RPS6KA4: variants seen among roughly 807,000 people sequenced by gnomAD.
RPS6KA4 encodes the protein ribosomal protein S6 kinase A4, also known as ribosomal protein S6 kinase alpha-4.
In RPS6KA4, 38 loss-of-function variants were observed where a neutral mutation model predicts 89.6. The ratio of observed to expected loss-of-function variants is 0.42; its 90% CI spans 0.33 to 0.56. The LOEUF is 0.56. Ranked by LOEUF, RPS6KA4 falls within the 20% of genes least tolerant of loss-of-function variation. The pLI is 0.07. For missense variants in RPS6KA4, 873 were observed against 1,098.8 expected (o/e 0.79, Z 2.90); for synonymous variants, 495 against 492.8 (o/e 1.00, Z -0.06).
At position 64,368,728 on chromosome 11, in the gene RPS6KA4, A is replaced by G. The variant is rs2135343499; in HGVS notation, c.1359A>G (p.Glu453=). The G allele has an allele frequency of 6.3e-7, 1 of 1,577,016 alleles. No individual in the cohort carries two copies. Among genetic ancestry groups the G allele is most frequent in the Non-Finnish European group, 8.6e-7 (1 of 1,161,812 alleles). The change falls in exon 12 of 17, where the codon GAA becomes GAG. Residue 453 remains glutamate, a synonymous_variant. Coordinates refer to ENST00000334205, the MANE Select transcript of RPS6KA4 (RefSeq NM_003942.3). ...SRRLEANTQR[E]VAALRLCQSH... ...GGCTGGAGGCGAACACGCAGCGCGA[A>G]GTGGCTGCCCTGCGCCTGTGCCAGT...
At chr11:64,367,578 T>C (rs1591316675) in intron 9 of RPS6KA4, among the ~76,000 whole-genome samples, 1 of 152,216 alleles carries the variant, frequency 6.6e-6, no homozygotes, top group Non-Finnish European at 1.5e-5. Context: ...CCCAAAGTAC[T>C]GGGATTACAG....
Position 64,361,208 on chromosome 11 carries a change from C to T in RPS6KA4, c.537C>T (p.Asp179=). Residue 179 remains aspartate (D), a synonymous_variant, in exon 5 of 17, where the codon GAC becomes GAT. Transcript: ENST00000334205. This position sits in a 1 kb window ranked among gnomAD's most constrained non-coding sequence, Gnocchi z 4.7. The part of the protein sequence containing the change: ...LDSEGHIVLT[D]FGLSKEFLTE... ...CCGAGGGCCACATTGTCCTCACGGACTTCGGGCTGAGCAAGGAGTTCCTGA... is the reference window on the plus strand; with the variant it reads ...CCGAGGGCCACATTGTCCTCACGGATTTCGGGCTGAGCAAGGAGTTCCTGA... 6 of 1,613,484 alleles carry T rather than the reference C, an allele frequency of 3.7e-6. No individual in the cohort carries two copies. The highest frequency in any genetic ancestry group is 4.2e-6 in the Non-Finnish European group (5 of 1,179,994).
chr11:64,371,368 G>A lies in RPS6KA4; in HGVS notation c.2207G>A (p.Arg736Gln), dbSNP rs761347218. Residue 736 changes from arginine (R) to glutamine (Q), a missense_variant, in exon 17 of 17, where the codon CGG becomes CAG. Around this residue, in one of 4 missense-constraint regions of RPS6KA4, gnomAD observed 278 missense variants for 284.8 expected, o/e 0.98. Coordinates refer to ENST00000334205, the MANE Select transcript of RPS6KA4 (RefSeq NM_003942.3). ...GCCAAGCGGCGGAAGCAGAAGCTGC[G>A]GAGCGCCACCGCCTCCCGCCGGGGC... ...PLAKRRKQKL[R>Q]SATASRRGSP... 1.1e-5 allele frequency: 17 copies of A among 1,612,458 alleles called. No homozygotes were observed. Among genetic ancestry groups the A allele is most frequent in the South Asian group, 4.4e-5 (4 of 91,068 alleles).
In RPS6KA4 at chr11:64,359,452, G is replaced by A. The variant is rs2036681108; in HGVS notation, c.127+3G>A. 14 of 1,613,482 alleles carry A rather than the reference G, an allele frequency of 8.7e-6. 1 individual carries two copies. The highest frequency in any genetic ancestry group is 1.2e-5 in the Non-Finnish European group (14 of 1,179,726). ...GCTCAAGGTGCTGGGCACGGGAGGTGAGGACCCCCATCCACCGGGCAGGCG... is the reference window on the plus strand; with the variant it reads ...GCTCAAGGTGCTGGGCACGGGAGGTAAGGACCCCCATCCACCGGGCAGGCG... On this transcript the variant is annotated splice_donor_region_variant and intron_variant, in intron 2 of 16. Coordinates refer to ENST00000334205, the MANE Select transcript of RPS6KA4 (RefSeq NM_003942.3).
chr11:64,359,639 C>A, intron 2 of RPS6KA4, 190 bp downstream of exon 2: 1 of 612,790 alleles, frequency 1.6e-6, no homozygotes, highest in Non-Finnish European at 2.9e-6. Flanking sequence ...ACATTGACAT[C>A]ACTCCTCCCT....
Position 64,361,771 on chromosome 11 carries a change from G to C in RPS6KA4, c.755+26G>C, listed in dbSNP as rs749663382. Reference sequence around the variant, plus strand: ...GTGAGTAGGGCTGGACGTGGAGGGCGGCCAGAGGGCTGCAGGGCCTGCCTG... The same window carrying C: ...GTGAGTAGGGCTGGACGTGGAGGGCCGCCAGAGGGCTGCAGGGCCTGCCTG... On this transcript the variant is annotated intron_variant, in intron 7 of 16. Transcript: ENST00000334205. This position sits in a 1 kb window ranked among gnomAD's most constrained non-coding sequence, Gnocchi z 4.7. The C allele has an allele frequency of 1.4e-5, 23 of 1,587,976 alleles. No homozygotes were observed. Among genetic ancestry groups the C allele is most frequent in the Non-Finnish European group, 2.0e-5 (23 of 1,169,192 alleles).
chr11:64,370,671 A>C lies in RPS6KA4; in HGVS notation c.2066A>C (p.Asp689Ala). 6.4e-7 allele frequency: 1 copy of C among 1,571,968 alleles called. No homozygotes were observed. The highest frequency in any genetic ancestry group is 1.3e-5 in the African/African-American group (1 of 74,524). Residue 689 changes from aspartate (D) to alanine (A), a missense_variant, in exon 16 of 17, where the codon GAC becomes GCC. Coordinates refer to ENST00000334205, the MANE Select transcript of RPS6KA4 (RefSeq NM_003942.3). This position sits in a 1 kb window ranked among gnomAD's most constrained non-coding sequence, Gnocchi z 4.1. ...ARSSPPLRTP[D>A]VLESSGPAVR... ...TCCTCGCCCCCGCTCCGGACGCCCG[A>C]CGTGCTCGAGTCCTCTGGGCCCGCA...
intron 14 of RPS6KA4, 22 bp downstream of exon 14, chr11:64,369,915 G>C (rs1462837088): frequency 6.6e-7 from 1 of 1,515,894 alleles, no homozygotes; most frequent in South Asian, 1.2e-5. Context: ...GGTCCTTGAG[G>C]CGGGGTCAGG....
rs1253674767 is a variant in RPS6KA4, at chr11:64,365,357, A to G, written c.963A>G (p.Gln321=). ...ARKIPAPFRP[Q]IRSELDVGNF... Reference sequence around the variant, plus strand: ...AGATTCCAGCCCCATTCCGGCCCCAAATCCGCTCAGAGCTGGATGTGGGCA... The same window carrying G: ...AGATTCCAGCCCCATTCCGGCCCCAGATCCGCTCAGAGCTGGATGTGGGCA... The change falls in exon 9 of 17, where the codon CAA becomes CAG. Residue 321 remains glutamine (Q), a synonymous_variant. Coordinates refer to ENST00000334205, the MANE Select transcript of RPS6KA4 (RefSeq NM_003942.3). 6.2e-7 allele frequency: 1 copy of G among 1,614,036 alleles called. No homozygotes were observed. The highest frequency in any genetic ancestry group is 8.5e-7 in the Non-Finnish European group (1 of 1,179,976).
chr11:64,360,646 G>C, intron 4 of RPS6KA4, 54 bp downstream of exon 4: 1 of 1,463,338 alleles, frequency 6.8e-7, no homozygotes, highest in South Asian at 1.2e-5. Flanking sequence ...TCTGTGCCTT[G>C]GAAGGAATCT....
intron 16 of RPS6KA4, among the ~76,000 whole-genome samples, 178 bp from the exon 17 acceptor site, chr11:64,371,101 CAAAA>C (rs374004148): frequency 3.7e-4 from 33 of 88,780 alleles, no homozygotes; most frequent in Non-Finnish European, 5.5e-4. Flanking sequence ...GAGACTCCGT[CAAAA>C]AAAAAAAAAA....
At chr11:64,360,691 T>G in intron 4 of RPS6KA4, 99 bp downstream of exon 4, 1 of 1,026,644 alleles carries the variant, frequency 9.7e-7, no homozygotes, top group Non-Finnish European at 1.4e-6. Flanking sequence ...CCCCTGGGCT[T>G]CCTGGGGGGC....
At chr11:64,366,687 A>C (rs1259694926) in intron 9 of RPS6KA4, among the ~76,000 whole-genome samples, 1 of 152,180 alleles carries the variant, frequency 6.6e-6, no homozygotes, top group African/African-American at 2.4e-5. Flanking sequence ...CCTGGAGTAC[A>C]TTCTCTACAG....
In RPS6KA4 at chr11:64,368,151, C is replaced by A; in HGVS notation, c.1091C>A (p.Pro364His). The change falls in exon 10 of 17, where the codon CCC (proline) becomes CAC (histidine). Residue 364 changes from proline (P) to histidine (H), a missense_variant. This residue lies in a region of RPS6KA4 where 542 missense variants were observed against 736.4 expected (regional missense o/e 0.74). Coordinates refer to ENST00000334205, the MANE Select transcript of RPS6KA4 (RefSeq NM_003942.3). Reference sequence around the variant, plus strand: ...CTGCAGGGATACTCCTTTGTGGCACCCTCCATTCTCTTTGACCACAACAAC... The same window carrying A: ...CTGCAGGGATACTCCTTTGTGGCACACTCCATTCTCTTTGACCACAACAAC... ...RIFQGYSFVA[P>H]SILFDHNNAV... 1 of 1,613,682 alleles carries A rather than the reference C, an allele frequency of 6.2e-7. No individual in the cohort carries two copies. The highest frequency in any genetic ancestry group is 8.5e-7 in the Non-Finnish European group (1 of 1,180,018).
In RPS6KA4 at chr11:64,365,381, C is replaced by A; in HGVS notation, c.987C>A (p.Gly329=). Residue 329 remains glycine (G), a synonymous_variant, in exon 9 of 17, where the codon GGC becomes GGA. Transcript: ENST00000334205. The part of the protein sequence containing the change: ...RPQIRSELDV[G]NFAEEFTRLE... ...AAATCCGCTCAGAGCTGGATGTGGG[C>A]AACTTTGCGGAGGAATTCACTCGGC... 6.2e-7 allele frequency: 1 copy of A among 1,614,056 alleles called. No individual in the cohort carries two copies. The highest frequency in any genetic ancestry group is 8.5e-7 in the Non-Finnish European group (1 of 1,180,000).
rs1230846944 is a variant in RPS6KA4, at chr11:64,369,592, C to T, written c.1575C>T (p.Gly525=). Reference sequence around the variant, plus strand: ...TGAGCTTCATGCACGAGGAGGCGGGCGTGGTGCACCGCGACCTCAAGCCGG... The same window carrying T: ...TGAGCTTCATGCACGAGGAGGCGGGTGTGGTGCACCGCGACCTCAAGCCGG... ...SAVSFMHEEA[G]VVHRDLKPEN... The change falls in exon 13 of 17, where the codon GGC becomes GGT. Residue 525 remains glycine (G), a synonymous_variant. Transcript: ENST00000334205. 1.9e-6 allele frequency: 3 copies of T among 1,604,448 alleles called. No individual in the cohort carries two copies. Among genetic ancestry groups the T allele is most frequent in the East Asian group, 4.5e-5 (2 of 44,506 alleles).
intron 9 of RPS6KA4, among the ~76,000 whole-genome samples, chr11:64,366,320 G>A (rs1304156754): frequency 6.6e-5 from 10 of 152,152 alleles, no homozygotes; most frequent in East Asian, 1.9e-4. Flanking sequence ...ACAGGCGTGC[G>A]CCACCACACC....
rs756331365 is a variant in RPS6KA4 at position 64,361,102 on chromosome 11, G to A, written c.463-32G>A. On this transcript the variant is annotated intron_variant, in intron 4 of 16. Transcript: ENST00000334205. This position sits in a 1 kb window ranked among gnomAD's most constrained non-coding sequence, Gnocchi z 4.7. ...GAGGAGCTGGGGAGGGTTTCGGGGA[G>A]GAAGCCTCAGCACCCCTCTTGCTCC... 2 of 1,589,236 alleles carry A rather than the reference G, an allele frequency of 1.3e-6. No individual in the cohort carries two copies. Among genetic ancestry groups the A allele is most frequent in the East Asian group, 2.2e-5 (1 of 44,696 alleles).
At chr11:64,360,983 CT>C in intron 4 of RPS6KA4, 150 bp from the exon 5 acceptor site, 5 of 609,210 alleles carry the variant, frequency 8.2e-6, no homozygotes, top group Non-Finnish European at 1.4e-5. Context: ...CTTAAATGGC[CT>C]TTCTTATTCA....
Sources: gnomAD v4.1 joint callset for allele counts (sites outside exome capture counted in the v4.1 genomes callset) on GRCh38, gnomAD v4.1.1 for gene constraint, gnomAD v4.1.1 regional missense constraint, Gnocchi (gnomAD v3.1) non-coding constraint, MANE v1.5 for transcripts, NCBI Gene and HGNC (gene_info 2026-07-23, HGNC 2026-07-21) for gene names.